ZNF501: variants seen among roughly 807,000 people sequenced by gnomAD.
ZNF501 encodes zinc finger protein 52.
ZNF501 carries 7 observed loss-of-function variants against 5.7 expected under a neutral mutation model. That is an observed-to-expected ratio of 1.24 (90% confidence interval 0.70 to 2.32). The LOEUF (loss-of-function observed/expected upper bound fraction) is 2.32, where lower values mean the gene tolerates loss of function less well. ZNF501 is among the 30% of genes most tolerant of loss of function. ZNF501 has a pLI of 0.00. For missense variants in ZNF501, 352 were observed against 321.1 expected (o/e 1.10, Z -0.73); for synonymous variants, 107 against 101.9 (o/e 1.05, Z -0.30).
chr3:44,734,254 G>T lies in ZNF501; in HGVS notation c.-168G>T, dbSNP rs1175739865. 1 of 604,392 alleles carries T rather than the reference G, an allele frequency of 1.7e-6. No homozygotes were observed. The highest frequency in any genetic ancestry group is 1.9e-5 in the African/African-American group (1 of 54,042). The allele number at this position is 604,392 out of a possible 1,614,324, so 37.4% of individuals were successfully genotyped here. ...AAGTTGAGAATGCAGGCTGAACAAG[G>T]AAGAGGAAGGGGAATCCTGCAGGGA... is the stretch of plus-strand genomic sequence containing the variant. On this transcript the variant is annotated 5_prime_UTR_variant, in exon 3 of 3. Transcript: ENST00000620116.
intron 2 of ZNF501, among the ~76,000 whole-genome samples, chr3:44,733,047 C>G (rs1704637141): frequency 6.6e-6 from 1 of 152,152 alleles, no homozygotes; most frequent in South Asian, 2.1e-4. Context: ...GCTCTTAAAA[C>G]TCCTGGCCTC....
At position 44,734,325 on chromosome 3, in the gene ZNF501, C is replaced by T. The variant is rs1704657959; in HGVS notation, c.-97C>T. Reference sequence around the variant, plus strand: ...CATGTGTGATGTGTGTGAGCACACACACACAGTAACCTTTCCTAGGAGAAC... The same window carrying T: ...CATGTGTGATGTGTGTGAGCACACATACACAGTAACCTTTCCTAGGAGAAC... On this transcript the variant is annotated 5_prime_UTR_variant, in exon 3 of 3. Transcript: ENST00000620116. 9.5e-7 allele frequency: 1 copy of T among 1,053,112 alleles called. No homozygotes were observed. The highest frequency in any genetic ancestry group is 1.6e-5 in the South Asian group (1 of 62,912). 65.2% of individuals were successfully genotyped at this position (1,053,112 alleles called of 1,614,324 possible).
intron 1 of ZNF501, among the ~76,000 whole-genome samples, chr3:44,731,066 T>C (rs1704608055): frequency 1.3e-5 from 2 of 152,214 alleles, no homozygotes; most frequent in African/African-American, 2.4e-5. Flanking sequence ...ATTGAACAAA[T>C]TGGTGGCAGA....
Position 44,734,336 on chromosome 3 carries a change from C to G in ZNF501, c.-86C>G. 2 of 1,213,676 alleles carry G rather than the reference C, an allele frequency of 1.6e-6. No individual in the cohort carries two copies. Among genetic ancestry groups the G allele is most frequent in the South Asian group, 2.9e-5 (2 of 67,870 alleles). The allele number at this position is 1,213,676 out of a possible 1,614,324, so 75.2% of individuals were successfully genotyped here. A position where few individuals can be genotyped will look rare whatever the true frequency, so the allele number is the denominator to read the frequency against. The stretch of plus-strand genomic sequence containing the variant: ...TGTGTGAGCACACACACACAGTAAC[C>G]TTTCCTAGGAGAACTGTATTACTCT... On this transcript the variant is annotated 5_prime_UTR_variant, in exon 3 of 3. Coordinates refer to ENST00000620116, the MANE Select transcript of ZNF501 (RefSeq NM_001258280.2).
rs759836866 is a variant in ZNF501, at chr3:44,734,720, A to T, written c.299A>T (p.His100Leu). The T allele has an allele frequency of 1.2e-6, 2 of 1,614,190 alleles. No individual in the cohort carries two copies. Among genetic ancestry groups the T allele is most frequent in the East Asian group, 4.5e-5 (2 of 44,874 alleles). ...ATTCTTGTTCAGCATCTGAGAATTC[A>T]TACTGGAGAGAAACCCTATAAATGC... ...KAILVQHLRI[H>L]TGEKPYKCNE... The change falls in exon 3 of 3, where the codon CAT becomes CTT. Residue 100 changes from histidine to leucine, a missense_variant. Coordinates refer to ENST00000620116, the MANE Select transcript of ZNF501 (RefSeq NM_001258280.2).
At chr3:44,732,590 A>G (rs528582550) in intron 2 of ZNF501, among the ~76,000 whole-genome samples, 14 of 152,342 alleles carry the variant, frequency 9.2e-5, no homozygotes, top group Non-Finnish European at 1.9e-4. Flanking sequence ...AGCAGTGTGT[A>G]TCATTTGACT....
chr3:44,736,413 A>C lies in ZNF501; in HGVS notation c.*1176A>C, dbSNP rs1306398310. On this transcript the variant is annotated 3_prime_UTR_variant, in exon 3 of 3. Transcript: ENST00000620116. ...AAAAGAGAAGATGTTTGACTTGCTC[A>C]AAGTCAAGCAGGTAATGTCAGAATT... 2 of 167,202 alleles carry C rather than the reference A, an allele frequency of 1.2e-5. No individual in the cohort carries two copies. The highest frequency in any genetic ancestry group is 1.3e-4 in the Admixed American group (2 of 15,314). 10.4% of individuals were successfully genotyped at this position (167,202 alleles called of 1,614,324 possible). A position where few individuals can be genotyped will look rare whatever the true frequency, so the allele number is the denominator to read the frequency against.
At position 44,734,505 on chromosome 3, in the gene ZNF501, G is replaced by A. The variant is rs72874044; in HGVS notation, c.84G>A (p.Gly28=). 2.8e-3 allele frequency: 4,526 copies of A among 1,614,176 alleles called. 91 individuals are homozygous for A. The African/African-American group carries it at 0.046, about 16-fold the overall frequency. ...QKKPSKCSEC[G]KFFTQRSSLT... ...AACCTTCAAAGTGTAGTGAATGTGG[G>A]AAGTTCTTTACTCAGAGATCATCTC... The change falls in exon 3 of 3, where the codon GGG becomes GGA. Residue 28 remains glycine (G), a synonymous_variant. Transcript: ENST00000620116.
chr3:44,735,845 C>A lies in ZNF501; in HGVS notation c.*608C>A, dbSNP rs1559506791. ...ATCTTCATTTAAATTTTGATACTTT[C>A]TATTACTAGATCTAATTTGATTTTA... is the stretch of plus-strand genomic sequence containing the variant. On this transcript the variant is annotated 3_prime_UTR_variant, in exon 3 of 3. Coordinates refer to ENST00000620116, the MANE Select transcript of ZNF501 (RefSeq NM_001258280.2). The A allele has an allele frequency of 4.8e-5, 8 of 166,686 alleles. No homozygotes were observed. Among genetic ancestry groups the A allele is most frequent in the South Asian group, 2.1e-4 (1 of 4,826 alleles). 10.3% of individuals were successfully genotyped at this position (166,686 alleles called of 1,614,324 possible). A position where few individuals can be genotyped will look rare whatever the true frequency, so the allele number is the denominator to read the frequency against.
intron 2 of ZNF501, among the ~76,000 whole-genome samples, chr3:44,732,529 A>G (rs1004940829): frequency 2.6e-5 from 4 of 152,254 alleles, no homozygotes; most frequent in Non-Finnish European, 4.4e-5. Context: ...AACAAACAGT[A>G]TGGTACAGGC....
rs1704690929 is a variant in ZNF501, at chr3:44,735,841, CTTTCTA to C, written c.*607_*612del. ...CAAGATCTTCATTTAAATTTTGATA[CTTTCTA>C]TTACTAGATCTAATTTGATTTTAAG... On this transcript the variant is annotated 3_prime_UTR_variant, in exon 3 of 3. Transcript: ENST00000620116. The C allele has an allele frequency of 6.0e-6, 1 of 166,504 alleles. No individual in the cohort carries two copies. Among genetic ancestry groups the C allele is most frequent in the Non-Finnish European group, 1.5e-5 (1 of 67,834 alleles). 10.3% of individuals were successfully genotyped at this position (166,504 alleles called of 1,614,324 possible).
chr3:44,735,064 G>T lies in ZNF501; in HGVS notation c.643G>T (p.Glu215Ter), dbSNP rs1575552137. 3.1e-6 allele frequency: 5 copies of T among 1,614,160 alleles called. No homozygotes were observed. The highest frequency in any genetic ancestry group is 4.2e-6 in the Non-Finnish European group (5 of 1,180,014). ...TGAACATGAAAGGACTCACACTGGA[G>T]AGAAACTTTATAAGTGTAGTGAGTG... is the stretch of plus-strand genomic sequence containing the variant. Reference protein sequence around the residue: ...LVEHERTHTGEKLYKCSECEK... With the variant: ...LVEHERTHTG The change falls in exon 3 of 3, where the codon GAG (glutamate) becomes TAG (stop). Residue 215 changes from glutamate to a stop codon, truncating the protein, a stop_gained. Transcript: ENST00000620116. LOFTEE classifies it high-confidence loss of function.
In ZNF501 at chr3:44,734,793, C is replaced by T. The variant is rs748071333; in HGVS notation, c.372C>T (p.His124=). ...GTCAGAGCCCATCCCTTATTAAACA[C>T]CAGCGAATTCATACTGGAGAGAAAC... is the stretch of plus-strand genomic sequence containing the variant. ...AFCQSPSLIK[H]QRIHTGEKPY... The change falls in exon 3 of 3, where the codon CAC becomes CAT. Residue 124 remains histidine, a synonymous_variant. Coordinates refer to ENST00000620116, the MANE Select transcript of ZNF501 (RefSeq NM_001258280.2). 157 of 1,613,810 alleles carry T rather than the reference C, an allele frequency of 9.7e-5. No homozygotes were observed. Among genetic ancestry groups the T allele is most frequent in the Non-Finnish European group, 1.2e-4 (146 of 1,179,968 alleles).
At position 44,737,049 on chromosome 3, in the gene ZNF501, C is replaced by T. The variant is rs983872034; in HGVS notation, c.*1812C>T. 4 of 166,664 alleles carry T rather than the reference C, an allele frequency of 2.4e-5. No homozygotes were observed. Among genetic ancestry groups the T allele is most frequent in the Non-Finnish European group, 4.4e-5 (3 of 68,078 alleles). The allele number at this position is 166,664 out of a possible 1,614,324, so 10.3% of individuals were successfully genotyped here. The stretch of plus-strand genomic sequence containing the variant: ...AGACTAAACCATCTCACAGATTGTT[C>T]TGTATCAGTAAATAAAGATCTTTCC... On this transcript the variant is annotated 3_prime_UTR_variant, in exon 3 of 3. Transcript: ENST00000620116.
At chr3:44,732,172 T>C (rs1157101930) in intron 2 of ZNF501, 2 of 152,220 alleles carry the variant, frequency 1.3e-5, no homozygotes, top group Non-Finnish European at 2.9e-5. Flanking sequence ...TTAATATGTA[T>C]GCATAATATA....
At chr3:44,733,798 G>C (rs1019099983) in intron 2 of ZNF501, among the ~76,000 whole-genome samples, 1 of 152,220 alleles carries the variant, frequency 6.6e-6, no homozygotes, top group African/African-American at 2.4e-5. Flanking sequence ...GAGAAAGAGA[G>C]ATCCAATGAG....
chr3:44,733,963 CCT>C (rs1050286817), intron 2 of ZNF501, among the ~76,000 whole-genome samples: 5 of 152,270 alleles, frequency 3.3e-5, no homozygotes, highest in South Asian at 4.1e-4. Context: ...AGTTATTATT[CCT>C]CTGTTTTTTG....
In ZNF501 at chr3:44,734,503, G is replaced by A; in HGVS notation, c.82G>A (p.Gly28Arg). ...GAAACCTTCAAAGTGTAGTGAATGT[G>A]GGAAGTTCTTTACTCAGAGATCATC... ...QKKPSKCSECGKFFTQRSSLT... is the reference protein window; with the variant it reads ...QKKPSKCSECRKFFTQRSSLT... Residue 28 changes from glycine to arginine, a missense_variant, in exon 3 of 3, where the codon GGG (glycine) becomes AGG (arginine). By Grantham distance (125) the Gly-to-Arg change is moderately radical (BLOSUM62 -2). Coordinates refer to ENST00000620116, the MANE Select transcript of ZNF501 (RefSeq NM_001258280.2). 6.2e-7 allele frequency: 1 copy of A among 1,614,154 alleles called. No individual in the cohort carries two copies. Among genetic ancestry groups the A allele is most frequent in the Non-Finnish European group, 8.5e-7 (1 of 1,180,016 alleles).
chr3:44,731,302 C>T (rs1430211274), intron 1 of ZNF501, among the ~76,000 whole-genome samples, 174 bp from the exon 2 acceptor site: 1 of 152,180 alleles, frequency 6.6e-6, no homozygotes, highest in Non-Finnish European at 1.5e-5. Flanking sequence ...CTGAAGTCTG[C>T]CAACTCACTA....
Sources: allele counts gnomAD v4.1 joint callset (sites outside exome capture counted in the v4.1 genomes callset), GRCh38; gene constraint gnomAD v4.1.1; transcripts MANE v1.5; gene names NCBI Gene and HGNC (gene_info 2026-07-23, HGNC 2026-07-21).